Variants in SNX29 observed in about 807,000 individuals in gnomAD.
SNX29 encodes the protein sorting nexin 29.
SNX29 carries 78 observed loss-of-function variants against 102.1 expected under a neutral mutation model. The observed-to-expected ratio is 0.76, with a 90% confidence interval of 0.64 to 0.92. SNX29 has a LOEUF of 0.92. Ranked by LOEUF, SNX29 falls within the 40% of genes least tolerant of loss-of-function variation. SNX29 has a pLI of 0.00. For synonymous variants in SNX29, 580 were observed against 414.5 expected (o/e 1.40, Z -4.85); for missense variants, 1,280 against 1,061.7 (o/e 1.21, Z -2.86).
intron 13 of SNX29, among the ~76,000 whole-genome samples, chr16:12,156,279 T>C (rs2055546509): frequency 6.6e-6 from 1 of 152,220 alleles, no homozygotes; most frequent in Admixed American, 6.5e-5. Context: ...ATTCAAGCGA[T>C]TCTCCTGCCT....
intron 15 of SNX29, among the ~76,000 whole-genome samples, chr16:12,295,826 G>A (rs1471805149): frequency 6.6e-6 from 1 of 151,322 alleles, no homozygotes; most frequent in Non-Finnish European, 1.5e-5. Context: ...CATTTTTAAG[G>A]TAGAGAAGGG....
chr16:12,152,124 G>A (rs1444363059), intron 13 of SNX29, among the ~76,000 whole-genome samples: 1 of 151,526 alleles, frequency 6.6e-6, no homozygotes, highest in African/African-American at 2.4e-5. Flanking sequence ...TGGAGGCTGA[G>A]GTGGGAAGAT....
At chr16:12,114,448 C>G (rs1251260278) in intron 11 of SNX29, among the ~76,000 whole-genome samples, 1 of 152,146 alleles carries the variant, frequency 6.6e-6, no homozygotes, top group African/African-American at 2.4e-5. Context: ...TTGTGCAGAA[C>G]CAACATGAAG....
intron 20 of SNX29, among the ~76,000 whole-genome samples, chr16:12,556,029 C>T (rs755126598): frequency 2.0e-5 from 3 of 152,188 alleles, no homozygotes; most frequent in South Asian, 2.1e-4. Flanking sequence ...TGCCATGCCA[C>T]CGTAGTGCTG....
intron 19 of SNX29, among the ~76,000 whole-genome samples, chr16:12,481,617 C>T (rs991935487): frequency 6.6e-6 from 1 of 152,028 alleles, no homozygotes; most frequent in African/African-American, 2.4e-5. Context: ...TCACAGCAAC[C>T]TCCGTCTCCT....
rs748374315 is a variant in SNX29 at position 12,568,606 on chromosome 16, G to C, written c.2419G>C (p.Glu807Gln). Residue 807 changes from glutamate to glutamine, a missense_variant, in exon 21 of 21, where the codon GAG (glutamate) becomes CAG (glutamine). Physicochemically the swap from Glu to Gln is conservative, Grantham distance 29 (BLOSUM62 2). Coordinates refer to ENST00000566228, the MANE Select transcript of SNX29 (RefSeq NM_032167.5). ...TCAGCCCCGGGAGACCCGCAACGTG[G>C]AGCCCCAGAGCGGTGACCTCTGACC... ...RGQPRETRNV[E>Q]PQSGDL The C allele has an allele frequency of 5.0e-6, 8 of 1,604,642 alleles. No homozygotes were observed. Among genetic ancestry groups the C allele is most frequent in the East Asian group, 2.2e-5 (1 of 44,872 alleles).
intron 20 of SNX29, among the ~76,000 whole-genome samples, chr16:12,548,622 C>T (rs1200516812): frequency 6.6e-6 from 1 of 152,184 alleles, no homozygotes; most frequent in South Asian, 2.1e-4. Context: ...AGCCCCACAG[C>T]AGAAGAGGCT....
At chr16:12,363,236 G>A (rs1439323117) in intron 16 of SNX29, among the ~76,000 whole-genome samples, 1 of 152,220 alleles carries the variant, frequency 6.6e-6, no homozygotes, top group Non-Finnish European at 1.5e-5. Flanking sequence ...GAGTCAGACA[G>A]CCAGGGCAGA....
At chr16:12,277,857 A>AT (rs2079303743) in intron 14 of SNX29, 76 bp from the exon 15 acceptor site, 4 of 1,331,496 alleles carry the variant, frequency 3.0e-6, no homozygotes, top group Admixed American at 4.1e-5. Context: ...AGAAAGAAGA[A>AT]TTTTTTCTTT....
At position 12,572,413 on chromosome 16, in the gene SNX29, G is replaced by A. The variant is rs932962328; in HGVS notation, c.*3784G>A. 1 of 1,063,848 alleles carries A rather than the reference G, an allele frequency of 9.4e-7. No homozygotes were observed. Among genetic ancestry groups the A allele is most frequent in the Non-Finnish European group, 1.1e-6 (1 of 878,332 alleles). 65.9% of individuals were successfully genotyped at this position (1,063,848 alleles called of 1,614,324 possible). A position where few individuals can be genotyped will look rare whatever the true frequency, so the allele number is the denominator to read the frequency against. On this transcript the variant is annotated 3_prime_UTR_variant, in exon 21 of 21. Coordinates refer to ENST00000566228, the MANE Select transcript of SNX29 (RefSeq NM_032167.5). ...CAACAGCCTGAGGCAGGGCTCTGTG[G>A]CCCAGGCCGGCAGTGGCTGCCTCTC...
At chr16:12,469,442 A>G (rs897398503) in intron 18 of SNX29, among the ~76,000 whole-genome samples, 3 of 152,236 alleles carry the variant, frequency 2.0e-5, no homozygotes, top group African/African-American at 7.2e-5. Context: ...CTGGCTATTG[A>G]GGAAGCAAAA....
intron 16 of SNX29, among the ~76,000 whole-genome samples, chr16:12,397,593 C>T (rs921790066): frequency 6.6e-6 from 1 of 152,114 alleles, no homozygotes; most frequent in Non-Finnish European, 1.5e-5. Context: ...AGTCTTGATC[C>T]TCCTTCTTAA....
chr16:12,271,187 TA>T (rs1169906131), intron 14 of SNX29, among the ~76,000 whole-genome samples: 4 of 152,262 alleles, frequency 2.6e-5, no homozygotes, highest in African/African-American at 9.6e-5. Flanking sequence ...TTGTGTGGGA[TA>T]GACAGCCTGG....
At chr16:12,307,006 C>T (rs1567420370) in intron 15 of SNX29, among the ~76,000 whole-genome samples, 5 of 151,996 alleles carry the variant, frequency 3.3e-5, no homozygotes, top group South Asian at 4.2e-4. Flanking sequence ...TGGAGGGACC[C>T]GGAGTAGATG....
chr16:12,418,735 G>A (rs1315988032), intron 18 of SNX29, among the ~76,000 whole-genome samples: 5 of 152,010 alleles, frequency 3.3e-5, no homozygotes, highest in East Asian at 1.9e-4. Flanking sequence ...GGCTGGTCTC[G>A]ACCTCCTAAC....
intron 17 of SNX29, among the ~76,000 whole-genome samples, chr16:12,402,984 T>C (rs2084008297): frequency 6.6e-6 from 1 of 152,122 alleles, no homozygotes; most frequent in South Asian, 2.1e-4. Flanking sequence ...AGGGTCAGGG[T>C]CTAAAGTCAG....
At chr16:12,365,545 C>G (rs925030689) in intron 16 of SNX29, among the ~76,000 whole-genome samples, 5 of 151,154 alleles carry the variant, frequency 3.3e-5, no homozygotes, top group African/African-American at 1.2e-4. Context: ...CAAAAATTAG[C>G]CATGCATGGT....
intron 16 of SNX29, among the ~76,000 whole-genome samples, chr16:12,395,419 C>G (rs1004677891): frequency 1.7e-4 from 26 of 152,238 alleles, no homozygotes; most frequent in African/African-American, 5.8e-4. Context: ...TTGGTCTCAT[C>G]TACCATTTCA....
rs561055872 is a variant in SNX29 at position 12,282,822 on chromosome 16, ATTTTT to A, written c.1782+4788_1782+4792del. Among the ~76,000 whole-genome samples the A allele has an allele frequency of 3.4e-3, 512 of 152,120 alleles. 3 individuals carry two copies. The highest frequency in any genetic ancestry group is 5.5e-3 in the Non-Finnish European group (372 of 67,986). ...AGGTGCCCACCACAATGCCTGGCTA[ATTTTT>A]TGTATTTTTAGTAGAGACAGGGTTT... is the stretch of plus-strand genomic sequence containing the variant. On this transcript the variant is annotated intron_variant, in intron 15 of 20. Transcript: ENST00000566228.
Sources: gnomAD v4.1 joint callset for allele counts (sites outside exome capture counted in the v4.1 genomes callset) on GRCh38, gnomAD v4.1.1 for gene constraint, MANE v1.5 for transcripts, NCBI Gene and HGNC (gene_info 2026-07-23, HGNC 2026-07-21) for gene names.